Variants in PRRC2B observed in about 807,000 individuals in gnomAD.
PRRC2B encodes protein PRRC2B.
Under a neutral mutation model 242.3 loss-of-function variants are expected in PRRC2B, and 68 were observed. The observed-to-expected ratio is 0.28, with a 90% CI of 0.23 to 0.34. PRRC2B has a LOEUF of 0.34. Among genes scored for constraint, PRRC2B ranks in the 10% least tolerant of loss-of-function variants. PRRC2B has a pLI of 1.00. For synonymous variants in PRRC2B, 1,228 were observed against 1,173.6 expected, an observed-to-expected ratio of 1.05 and a Z score of -0.95; for missense variants, 2,835 against 2,954.8, an observed-to-expected ratio of 0.96 and a Z score of 0.94.
intron 1 of PRRC2B, among the ~76,000 whole-genome samples, chr9:131,385,397 AG>A (rs1191433419): frequency 4.0e-5 from 6 of 149,072 alleles, no homozygotes; most frequent in African/African-American, 1.2e-4. Context: ...AATCCCACCC[AG>A]GAGCCAGCCC....
In PRRC2B at chr9:131,470,802, G is replaced by A; in HGVS notation, c.1926G>A (p.Lys642=). The change falls in exon 14 of 32, where the codon AAG becomes AAA. Residue 642 remains lysine (K), a synonymous_variant. Transcript: ENST00000683519. Reference sequence around the variant, plus strand: ...TCTGTGGGCAGGAGCAGCTGTACAAGATGCAGCACTGGCAGCCGGTGTACC... The same window carrying A: ...TCTGTGGGCAGGAGCAGCTGTACAAAATGCAGCACTGGCAGCCGGTGTACC... ...QQQQQQEQLY[K]MQHWQPVYPP... 6.2e-7 allele frequency: 1 copy of A among 1,612,486 alleles called. No homozygotes were observed. Among genetic ancestry groups the A allele is most frequent in the Non-Finnish European group, 8.5e-7 (1 of 1,179,152 alleles).
In PRRC2B at chr9:131,476,587, C is replaced by A. The variant is rs1406986674; in HGVS notation, c.4406+52C>A. The A allele has an allele frequency of 4.7e-6, 7 of 1,501,628 alleles. No individual in the cohort carries two copies. In the South Asian group the frequency reaches 6.6e-5, roughly 14 times the overall value. 93.0% of individuals were successfully genotyped at this position (1,501,628 alleles called of 1,614,324 possible). A position where few individuals can be genotyped will look rare whatever the true frequency, so the allele number is the denominator to read the frequency against. On this transcript the variant is annotated intron_variant, in intron 16 of 31. Transcript: ENST00000683519. The stretch of plus-strand genomic sequence containing the variant: ...TTTTGTTGTTGTGTTCTGTTCTCAG[C>A]AGCACTGAGTTCACGCATGCATGCC...
chr9:131,460,238 C>T (rs192674117), intron 11 of PRRC2B, among the ~76,000 whole-genome samples: 80 of 152,236 alleles, frequency 5.3e-4, no homozygotes, highest in African/African-American at 1.8e-3. Flanking sequence ...ACCAGTTGTC[C>T]CATTAATGTC....
Position 131,474,775 on chromosome 9 carries a change from A to C in PRRC2B, c.2646A>C (p.Thr882=), listed in dbSNP as rs745778308. Reference sequence around the variant, plus strand: ...GCCACCAGCCAGAGACCGCTGACACAGCCCATGGTGTTGAGCGGGAGACAC... The same window carrying C: ...GCCACCAGCCAGAGACCGCTGACACCGCCCATGGTGTTGAGCGGGAGACAC... The part of the protein sequence containing the change: ...DVSHQPETAD[T]AHGVERETPR... Residue 882 remains threonine (T), a synonymous_variant, in exon 16 of 32, where the codon ACA becomes ACC. Coordinates refer to ENST00000683519, the MANE Select transcript of PRRC2B (RefSeq NM_013318.4). 7 of 1,612,714 alleles carry C rather than the reference A, an allele frequency of 4.3e-6. No homozygotes were observed. In the Admixed American group the frequency reaches 1.2e-4, roughly 27 times the overall value.
At chr9:131,438,448 C>T (rs1166850488) in intron 4 of PRRC2B, among the ~76,000 whole-genome samples, 2 of 152,090 alleles carry the variant, frequency 1.3e-5, no homozygotes, top group East Asian at 3.9e-4. Flanking sequence ...CAGAGGTGAC[C>T]TCCTAGGGTT....
At chr9:131,448,047 T>C in intron 9 of PRRC2B, 1 of 371,610 alleles carries the variant, frequency 2.7e-6, no homozygotes, top group Non-Finnish European at 4.7e-6. Context: ...TGTTGTTAAC[T>C]TTTTAAAAAT....
intron 1 of PRRC2B, among the ~76,000 whole-genome samples, chr9:131,411,022 GA>G (rs1402436891): frequency 6.6e-6 from 1 of 152,070 alleles, no homozygotes; most frequent in East Asian, 1.9e-4. Flanking sequence ...CTGGGAGGCC[GA>G]GGAGGGCGGA....
intron 10 of PRRC2B, among the ~76,000 whole-genome samples, chr9:131,456,211 C>CT (rs59184650): frequency 1.8e-3 from 245 of 138,978 alleles, no homozygotes; most frequent in African/African-American, 5.5e-3. Flanking sequence ...AATTTTGTCT[C>CT]TTTTTTTTTT....
intron 5 of PRRC2B, among the ~76,000 whole-genome samples, chr9:131,443,098 GTTTATTTTATTTTATTTAT>G (rs1217375543): frequency 6.6e-6 from 1 of 150,992 alleles, no homozygotes. Flanking sequence ...AGCAGCATTT[GTTTATTTTATTTTATTTAT>G]TTTATTTTAT....
At chr9:131,470,742 C>A in intron 13 of PRRC2B, 46 bp from the exon 14 acceptor site, 2 of 1,536,308 alleles carry the variant, frequency 1.3e-6, no homozygotes, top group Non-Finnish European at 9.0e-7. Flanking sequence ...GCATCTCTGT[C>A]CCTGGCCGCA....
At chr9:131,439,170 C>T in intron 5 of PRRC2B, 109 bp downstream of exon 5, 1 of 874,814 alleles carries the variant, frequency 1.1e-6, no homozygotes, top group South Asian at 1.5e-5. Flanking sequence ...TGAGGACTCT[C>T]TTCCACAAAG....
chr9:131,414,711 A>G (rs1475138042), intron 1 of PRRC2B, among the ~76,000 whole-genome samples: 10 of 151,796 alleles, frequency 6.6e-5, no homozygotes, highest in South Asian at 2.1e-4. Flanking sequence ...CTGGGACTAC[A>G]GGTGCCTGCC....
chr9:131,405,648 C>T (rs1287501232), intron 1 of PRRC2B, among the ~76,000 whole-genome samples: 1 of 152,162 alleles, frequency 6.6e-6, no homozygotes, highest in Non-Finnish European at 1.5e-5. Context: ...GGTGTTTCAT[C>T]AGGCTAGGCT....
Position 131,483,460 on chromosome 9 carries a change from C to A in PRRC2B, c.5460+15C>A, listed in dbSNP as rs1588279141. On this transcript the variant is annotated intron_variant, in intron 23 of 31. Transcript: ENST00000683519. ...TGGCCAGTAATGTAAGTCCACACTT[C>A]CACTTTTGGCTCCACTCACTGCTTG... The A allele has an allele frequency of 6.2e-7, 1 of 1,610,524 alleles. No individual in the cohort carries two copies. The highest frequency in any genetic ancestry group is 8.5e-7 in the Non-Finnish European group (1 of 1,177,066).
At chr9:131,458,268 A>AC (rs1943140446) in intron 10 of PRRC2B, among the ~76,000 whole-genome samples, 1 of 152,124 alleles carries the variant, frequency 6.6e-6, no homozygotes, top group South Asian at 2.1e-4. Context: ...AAGGAGACGG[A>AC]CACGCACCTG....
intron 1 of PRRC2B, among the ~76,000 whole-genome samples, chr9:131,408,565 A>G (rs1301938089): frequency 6.6e-6 from 1 of 152,242 alleles, no homozygotes; most frequent in African/African-American, 2.4e-5. Context: ...GTATAGAAAG[A>G]GAAGAACCCA....
chr9:131,472,181 C>T (rs1473766473), intron 14 of PRRC2B, among the ~76,000 whole-genome samples: 4 of 152,150 alleles, frequency 2.6e-5, no homozygotes, highest in African/African-American at 9.7e-5. Flanking sequence ...CTGTTAGCCT[C>T]TTTGAGCCCT....
At chr9:131,402,268 C>T (rs1837247861) in intron 1 of PRRC2B, among the ~76,000 whole-genome samples, 1 of 152,302 alleles carries the variant, frequency 6.6e-6, no homozygotes, top group East Asian at 1.9e-4. Flanking sequence ...TGTTGAGCCA[C>T]CTTGCCCTGC....
chr9:131,394,767 G>C (rs1365436182), intron 1 of PRRC2B, among the ~76,000 whole-genome samples: 1 of 151,680 alleles, frequency 6.6e-6, no homozygotes, highest in Admixed American at 6.6e-5. Flanking sequence ...CGGCGTTCGC[G>C]GGGCCGTTCC....
Sources: gnomAD v4.1 joint callset for allele counts (sites outside exome capture counted in the v4.1 genomes callset) on GRCh38, gnomAD v4.1.1 for gene constraint, MANE v1.5 for transcripts, NCBI Gene and HGNC (gene_info 2026-07-23, HGNC 2026-07-21) for gene names.